Variants in SLC44A1 observed in about 807,000 individuals in gnomAD.
SLC44A1 encodes the protein choline transporter-like protein 1.
Under a neutral mutation model 79.3 loss-of-function variants are expected in SLC44A1, and 26 were observed. That is an observed-to-expected ratio of 0.33 (90% CI 0.24 to 0.46). SLC44A1 has a LOEUF of 0.46. Ranked by LOEUF, SLC44A1 falls within the 20% of genes least tolerant of loss-of-function variation. The probability of loss-of-function intolerance (pLI) is 1.00; values close to 1 mark genes in which losing one functional copy is unlikely to be tolerated. For missense variants in SLC44A1, 688 were observed against 798.1 expected (o/e 0.86, Z 1.66); for synonymous variants, 263 against 286.2 (o/e 0.92, Z 0.82).
At chr9:105,344,448 GATGTTGCTAAAC>G (rs1827187524) in intron 4 of SLC44A1, among the ~76,000 whole-genome samples, 1 of 152,140 alleles carries the variant, frequency 6.6e-6, no homozygotes, top group African/African-American at 2.4e-5. Context: ...AGAGGCCAGG[GATGTTGCTAAAC>G]ATCTTGCAAT....
At chr9:105,322,788 T>C (rs1826435215) in intron 3 of SLC44A1, among the ~76,000 whole-genome samples, 1 of 152,198 alleles carries the variant, frequency 6.6e-6, no homozygotes, top group African/African-American at 2.4e-5. Flanking sequence ...GGGTTAAATA[T>C]TTTAAAATCA....
chr9:105,325,628 T>C (rs1271594455), intron 3 of SLC44A1, among the ~76,000 whole-genome samples: 2 of 152,166 alleles, frequency 1.3e-5, no homozygotes, highest in African/African-American at 4.8e-5. Flanking sequence ...CCATGATAAT[T>C]CATTAATCCA....
At chr9:105,371,720 C>CA (rs776993058) in intron 12 of SLC44A1, among the ~76,000 whole-genome samples, 61,217 of 94,216 alleles carry the variant, frequency 0.65, 19,117 homozygotes, top group African/African-American at 0.73. Flanking sequence ...CTCCATCTCA[C>CA]AAAAAAAAAA....
At chr9:105,269,077 C>G (rs977282117) in intron 1 of SLC44A1, among the ~76,000 whole-genome samples, 1 of 152,060 alleles carries the variant, frequency 6.6e-6, no homozygotes, top group African/African-American at 2.4e-5. Context: ...CTGTCATGAG[C>G]TTTTATTTTT....
intron 3 of SLC44A1, among the ~76,000 whole-genome samples, chr9:105,311,628 T>C (rs1358631350): frequency 4.6e-5 from 7 of 152,200 alleles, no homozygotes; most frequent in Non-Finnish European, 1.0e-4. Flanking sequence ...TCCCTGAATG[T>C]TTAGAATAGT....
At chr9:105,423,207 AGGGTGGGCGGATCACCTGAGGTC>A (rs945740415) in intron 15 of SLC44A1, among the ~76,000 whole-genome samples, 32 of 152,220 alleles carry the variant, frequency 2.1e-4, no homozygotes, top group East Asian at 3.9e-4. Context: ...TTGGGAGGCC[AGGGTGGGCGGATCACCTGAGGTC>A]GGGTGGGCGG....
chr9:105,436,437 A>G (rs1246918708), intron 15 of SLC44A1, among the ~76,000 whole-genome samples: 1 of 152,092 alleles, frequency 6.6e-6, no homozygotes, highest in Non-Finnish European at 1.5e-5. Context: ...AAAATGGAGT[A>G]GCGTGTGGCA....
chr9:105,354,321 A>AT (rs1416790847), intron 5 of SLC44A1, among the ~76,000 whole-genome samples: 1 of 151,966 alleles, frequency 6.6e-6, no homozygotes, highest in Non-Finnish European at 1.5e-5. Flanking sequence ...AAGTGCTGGG[A>AT]TTACAGGCGT....
At chr9:105,331,551 T>A (rs535335941) in intron 3 of SLC44A1, among the ~76,000 whole-genome samples, 1 of 152,222 alleles carries the variant, frequency 6.6e-6, no homozygotes, top group African/African-American at 2.4e-5. Flanking sequence ...TAAGGACATT[T>A]TCCAATCAAA....
At chr9:105,269,004 A>C (rs2131226699) in intron 1 of SLC44A1, among the ~76,000 whole-genome samples, 1 of 152,336 alleles carries the variant, frequency 6.6e-6, no homozygotes, top group Non-Finnish European at 1.5e-5. Flanking sequence ...TAAAAACATA[A>C]GTATGAAGTT....
In SLC44A1 at chr9:105,390,187, T is replaced by C. The variant is rs1048340154; in HGVS notation, c.*1131T>C. The C allele has an allele frequency of 8.5e-7, 1 of 1,171,676 alleles. No individual in the cohort carries two copies. Among genetic ancestry groups the C allele is most frequent in the African/African-American group, 1.6e-5 (1 of 63,176 alleles). The allele number at this position is 1,171,676 out of a possible 1,614,324, so 72.6% of individuals were successfully genotyped here. The stretch of plus-strand genomic sequence containing the variant: ...TTTTTGTTTGGGGGTGGGTTTGGGG[T>C]TTTTTGCTTTTTTATTCCTGAAGCT... On this transcript the variant is annotated 3_prime_UTR_variant, in exon 16 of 16. Coordinates refer to ENST00000374720, the MANE Select transcript of SLC44A1 (RefSeq NM_080546.5).
intron 1 of SLC44A1, among the ~76,000 whole-genome samples, chr9:105,264,227 G>C (rs1171496703): frequency 6.6e-6 from 1 of 152,100 alleles, no homozygotes; most frequent in African/African-American, 2.4e-5. Flanking sequence ...GCAGTGGTGT[G>C]ATCATAGCTC....
intron 15 of SLC44A1, chr9:105,386,697 T>C (rs896477123): frequency 1.3e-5 from 2 of 151,826 alleles, no homozygotes; most frequent in East Asian, 1.9e-4. Context: ...ATTTGTAGGT[T>C]TTCAACTTTA....
rs185103776 is a variant in SLC44A1, at chr9:105,260,481, G to A, written c.36+15577G>A. Reference sequence around the variant, plus strand: ...AGCAACAATAAGGTTGTTGGATCAGGTGACTCTTAACTAAGAATCACTCAG... The same window carrying A: ...AGCAACAATAAGGTTGTTGGATCAGATGACTCTTAACTAAGAATCACTCAG... On this transcript the variant is annotated intron_variant, in intron 1 of 15. Coordinates refer to ENST00000374720, the MANE Select transcript of SLC44A1 (RefSeq NM_080546.5). Among the ~76,000 whole-genome samples the A allele has an allele frequency of 6.6e-5, 10 of 152,314 alleles. No homozygotes were observed. The East Asian group carries it at 1.5e-3, about 23-fold the overall frequency.
chr9:105,342,394 A>C (rs1827121630), intron 4 of SLC44A1, among the ~76,000 whole-genome samples: 1 of 152,134 alleles, frequency 6.6e-6, no homozygotes, highest in Non-Finnish European at 1.5e-5. Context: ...AAAAAGACAT[A>C]GCATATAGAG....
Position 105,385,484 on chromosome 9 carries a change from C to T in SLC44A1, c.1932C>T (p.Ser644=), listed in dbSNP as rs1828604440. The change falls in exon 15 of 16, where the codon TCC becomes TCT. Residue 644 remains serine, a synonymous_variant. Transcript: ENST00000374720. ...CTGGTAAGGGAGGCGTCGCTGATTCCAGAGAGCTAAAGCCGATGGTAGGTG... is the reference window on the plus strand; with the variant it reads ...CTGGTAAGGGAGGCGTCGCTGATTCTAGAGAGCTAAAGCCGATGGTAGGTG... The part of the protein sequence containing the change: ...KEAGKGGVAD[S]RELKPMASGA... 6.3e-7 allele frequency: 1 copy of T among 1,579,022 alleles called. No homozygotes were observed. The highest frequency in any genetic ancestry group is 1.2e-5 in the South Asian group (1 of 85,860).
rs1564452798 is a variant in SLC44A1, at chr9:105,351,603, A to AG, written c.500+3152_500+3153insG. On this transcript the variant is annotated intron_variant, in intron 5 of 15. Coordinates refer to ENST00000374720, the MANE Select transcript of SLC44A1 (RefSeq NM_080546.5). ...AAGAGAGAAAGAGAGAAAGAGAAAG[A>AG]AAGAAAGAAAGAAAGAAAGAGAGAG... 1.3e-4 allele frequency among the ~76,000 whole-genome samples: 16 copies of AG among 118,538 alleles called. No homozygotes were observed. In the East Asian group the frequency reaches 1.5e-3, roughly 11 times the overall value. The allele number at this position is 118,538 out of a possible 152,430, so 77.8% of individuals were successfully genotyped here.
At chr9:105,308,953 G>C (rs1448016659) in intron 2 of SLC44A1, among the ~76,000 whole-genome samples, 1 of 152,174 alleles carries the variant, frequency 6.6e-6, no homozygotes, top group Non-Finnish European at 1.5e-5. Context: ...AGCATGATGT[G>C]CTTCTGAAGT....
At position 105,281,523 on chromosome 9, in the gene SLC44A1, A is replaced by G. The variant is rs1030957275; in HGVS notation, c.37-17697A>G. Among the ~76,000 whole-genome samples, 7 of 152,242 alleles carry G rather than the reference A, an allele frequency of 4.6e-5. No homozygotes were observed. The East Asian group carries it at 1.2e-3, about 25-fold the overall frequency. On this transcript the variant is annotated intron_variant, in intron 1 of 15. Transcript: ENST00000374720. ...GTGTCTAGGAGTGACGACTAAGGTG[A>G]TATCTTGTTGTAAAGGATGTGTCTG...
Sources: gnomAD v4.1 joint callset for allele counts (sites outside exome capture counted in the v4.1 genomes callset) on GRCh38, gnomAD v4.1.1 for gene constraint, MANE v1.5 for transcripts, NCBI Gene and HGNC (gene_info 2026-07-23, HGNC 2026-07-21) for gene names.